GGNBP2: variants seen among roughly 807,000 people sequenced by gnomAD.
GGNBP2 encodes gametogenetin binding protein 2.
Under a neutral mutation model 85.9 loss-of-function variants are expected in GGNBP2, and 10 were observed. That is an observed-to-expected ratio of 0.12 (90% confidence interval 0.07 to 0.20). GGNBP2 has a LOEUF of 0.20. Among genes scored for constraint, GGNBP2 ranks in the 10% least tolerant of loss-of-function variants. The pLI is 1.00. For missense variants in GGNBP2, 595 were observed against 857.8 expected (o/e 0.69, Z 3.83); for synonymous variants, 287 against 285.7 (o/e 1.00, Z -0.05).
At chr17:36,567,301 TAATATA>T (rs2090507743) in intron 5 of GGNBP2, among the ~76,000 whole-genome samples, 1 of 152,166 alleles carries the variant, frequency 6.6e-6, no homozygotes, top group African/African-American at 2.4e-5. Flanking sequence ...AACGTTATAT[TAATATA>T]AAGTGAGTAT....
At chr17:36,587,411 G>C (rs1168964005) in intron 13 of GGNBP2, 166 bp downstream of exon 13, 7 of 746,908 alleles carry the variant, frequency 9.4e-6, no homozygotes, top group Non-Finnish European at 1.3e-5. Context: ...CCTTCCACTC[G>C]TGGTTTATGC....
intron 6 of GGNBP2, among the ~76,000 whole-genome samples, chr17:36,568,516 C>T (rs1555606259): frequency 2.6e-5 from 4 of 151,784 alleles, no homozygotes; most frequent in South Asian, 2.1e-4. Context: ...AGGCTGGTCT[C>T]GAACTCCTGA....
Position 36,581,475 on chromosome 17 carries a change from G to A in GGNBP2, c.1152G>A (p.Lys384=), listed in dbSNP as rs1035335490. 13 of 1,612,650 alleles carry A rather than the reference G, an allele frequency of 8.1e-6. No homozygotes were observed. In the African/African-American group the frequency reaches 1.7e-4, roughly 22 times the overall value. ...RQKRKNRRKN[K]CVCDIPTPLQ... ...AACGGAAGAATAGACGAAAAAATAA[G>A]TGTGTGTGTGATATTCCTACTCCCT... Residue 384 remains lysine, a synonymous_variant, in exon 9 of 14, where the codon AAG becomes AAA. Transcript: ENST00000613102.
chr17:36,586,106 G>A lies in GGNBP2; in HGVS notation c.1549G>A (p.Val517Ile). The A allele has an allele frequency of 6.2e-7, 1 of 1,614,160 alleles. No homozygotes were observed. The highest frequency in any genetic ancestry group is 1.3e-5 in the African/African-American group (1 of 75,042). Reference protein sequence around the residue: ...EDKEDDGDSCVECWANSEEND... With the variant: ...EDKEDDGDSCIECWANSEEND... ...CAAAGAGGATGATGGTGATAGTTGTGTTGAATGTTGGGCAAATTCTGAAGA... is the reference window on the plus strand; with the variant it reads ...CAAAGAGGATGATGGTGATAGTTGTATTGAATGTTGGGCAAATTCTGAAGA... Residue 517 changes from valine (V) to isoleucine (I), a missense_variant, in exon 12 of 14, where the codon GTT becomes ATT. Transcript: ENST00000613102.
rs1337972202 is a variant in GGNBP2 at position 36,575,651 on chromosome 17, T to A, written c.642-2332T>A. On this transcript the variant is annotated intron_variant, in intron 6 of 13. Coordinates refer to ENST00000613102, the MANE Select transcript of GGNBP2 (RefSeq NM_024835.5). ...ATATATATATATATATATATATATT[T>A]TTTTTTTTTTTTGAGATGGAGTTTC... Among the ~76,000 whole-genome samples the A allele has an allele frequency of 1.1e-3, 136 of 122,842 alleles. No homozygotes were observed. The East Asian group carries it at 0.016, about 14-fold the overall frequency. The allele number at this position is 122,842 out of a possible 152,430, so 80.6% of individuals were successfully genotyped here.
At chr17:36,549,116 T>C (rs955039224) in intron 2 of GGNBP2, among the ~76,000 whole-genome samples, 1 of 152,228 alleles carries the variant, frequency 6.6e-6, no homozygotes, top group Non-Finnish European at 1.5e-5. Context: ...GAAAGTTTTA[T>C]ACTCTGGCTA....
intron 1 of GGNBP2, 32 bp from the exon 2 acceptor site, chr17:36,545,587 G>A (rs553910626): frequency 4.6e-6 from 3 of 652,002 alleles, no homozygotes; most frequent in East Asian, 2.8e-5. Context: ...GCAGCGGCGG[G>A]TGCTTACGCT....
chr17:36,579,242 T>C lies in GGNBP2; in HGVS notation c.846-3T>C, dbSNP rs765956915. 14 of 1,612,912 alleles carry C rather than the reference T, an allele frequency of 8.7e-6. No individual in the cohort carries two copies. The East Asian group carries it at 2.7e-4, about 31-fold the overall frequency. ...ATTAGTGTGTGATTATTCCCTTTTA[T>C]AGGCGAAGAGAAAGGCATGCAAAGA... On this transcript the variant is annotated splice_polypyrimidine_tract_variant and splice_region_variant and intron_variant, in intron 7 of 13. Transcript: ENST00000613102.
chr17:36,589,319 C>T lies in GGNBP2; in HGVS notation c.2002C>T (p.His668Tyr). ...CAGCAATAGAGAACAATACCGACAG[C>T]ATCTGAAGGAGAAATTTAATAAATA... ...FYSNREQYRQHLKEKFNKYCR... is the reference protein window; with the variant it reads ...FYSNREQYRQYLKEKFNKYCR... Residue 668 changes from histidine to tyrosine, a missense_variant, in exon 14 of 14, where the codon CAT becomes TAT. By Grantham distance (83) the His-to-Tyr change is moderately conservative. This residue lies in a region of GGNBP2 where 12 missense variants were observed against 38.2 expected (regional missense o/e 0.31). Coordinates refer to ENST00000613102, the MANE Select transcript of GGNBP2 (RefSeq NM_024835.5). 6.2e-7 allele frequency: 1 copy of T among 1,613,356 alleles called. No individual in the cohort carries two copies. Among genetic ancestry groups the T allele is most frequent in the Non-Finnish European group, 8.5e-7 (1 of 1,179,330 alleles).
chr17:36,572,071 AAGTC>A (rs1555606903), intron 6 of GGNBP2, among the ~76,000 whole-genome samples: 4 of 151,934 alleles, frequency 2.6e-5, no homozygotes, highest in Non-Finnish European at 5.9e-5. Context: ...AGTTTTAAAA[AAGTC>A]ATATGCAATG....
At chr17:36,548,269 T>C (rs1323945325) in intron 2 of GGNBP2, among the ~76,000 whole-genome samples, 2 of 152,200 alleles carry the variant, frequency 1.3e-5, no homozygotes, top group African/African-American at 4.8e-5. Context: ...TTAGTTAAAC[T>C]GGCAGTTGTA....
intron 4 of GGNBP2, among the ~76,000 whole-genome samples, chr17:36,560,552 A>G (rs2074407430): frequency 1.3e-5 from 2 of 152,108 alleles, no homozygotes; most frequent in South Asian, 4.1e-4. Flanking sequence ...CAACTGGTGT[A>G]TTTACATAAT....
At chr17:36,569,991 G>A (rs2074507256) in intron 6 of GGNBP2, among the ~76,000 whole-genome samples, 1 of 152,198 alleles carries the variant, frequency 6.6e-6, no homozygotes, top group African/African-American at 2.4e-5. Context: ...GGCAGTGAGT[G>A]ATGAATTTAG....
chr17:36,565,715 G>A (rs1413633854), intron 5 of GGNBP2, among the ~76,000 whole-genome samples: 1 of 152,102 alleles, frequency 6.6e-6, no homozygotes, highest in Non-Finnish European at 1.5e-5. Flanking sequence ...GGCCAATATG[G>A]CGAAACCCCG....
At position 36,579,275 on chromosome 17, in the gene GGNBP2, T is replaced by C. The variant is rs764782674; in HGVS notation, c.876T>C (p.Asp292=). Reference sequence around the variant, plus strand: ...GAGAAAGGCATGCAAAGACAATAGATATAGCTCAAGAAGAAGTTCTGACCT... The same window carrying C: ...GAGAAAGGCATGCAAAGACAATAGACATAGCTCAAGAAGAAGTTCTGACCT... ...GRRERHAKTI[D]IAQEEVLTCL... Residue 292 remains aspartate, a synonymous_variant, in exon 8 of 14, where the codon GAT becomes GAC. Transcript: ENST00000613102. 6.2e-7 allele frequency: 1 copy of C among 1,614,138 alleles called. No individual in the cohort carries two copies. The highest frequency in any genetic ancestry group is 8.5e-7 in the Non-Finnish European group (1 of 1,179,988).
At chr17:36,560,993 T>C in intron 5 of GGNBP2, 122 bp downstream of exon 5, 1 of 516,084 alleles carries the variant, frequency 1.9e-6, no homozygotes, top group East Asian at 3.3e-5. Context: ...CTCTATGACA[T>C]AGGTCAAAAT....
chr17:36,554,013 A>T (rs1348348704), intron 2 of GGNBP2, among the ~76,000 whole-genome samples: 2 of 152,104 alleles, frequency 1.3e-5, no homozygotes, highest in Admixed American at 1.3e-4. Context: ...ATTAGAGCAA[A>T]CATTTACTAT....
At position 36,554,812 on chromosome 17, in the gene GGNBP2, A is replaced by T. The variant is rs202169466; in HGVS notation, c.94-8A>T. ...AGTAATTGATTTCCGTTCTGTTTGC[A>T]TTTTAAGATGGTGATGGAATTTCCT... On this transcript the variant is annotated splice_region_variant and splice_polypyrimidine_tract_variant and intron_variant, in intron 2 of 13. Transcript: ENST00000613102. The T allele has an allele frequency of 2.5e-4, 387 of 1,566,156 alleles. 2 individuals are homozygous for T. The Middle Eastern group carries it at 5.8e-3, about 24-fold the overall frequency.
chr17:36,545,729 C>T lies in GGNBP2; in HGVS notation c.5C>T (p.Ala2Val). M[A>V]RLVAVCRDGE... ...GCAACGGCAGCGTCGGGGACGATGG[C>T]GCGACTCGTGGCAGTGTGCAGGGAC... The change falls in exon 2 of 14, where the codon GCG (alanine) becomes GTG (valine). Residue 2 changes from alanine to valine, a missense_variant. Transcript: ENST00000613102. 3.8e-6 allele frequency: 6 copies of T among 1,567,512 alleles called. No homozygotes were observed. The highest frequency in any genetic ancestry group is 4.3e-6 in the Non-Finnish European group (5 of 1,156,948).
Sources: gnomAD v4.1 joint callset for allele counts (sites outside exome capture counted in the v4.1 genomes callset) on GRCh38, gnomAD v4.1.1 for gene constraint, gnomAD v4.1.1 regional missense constraint, MANE v1.5 for transcripts, NCBI Gene and HGNC (gene_info 2026-07-23, HGNC 2026-07-21) for gene names.